ECM2: variants seen among roughly 807,000 people sequenced by gnomAD.
ECM2 encodes the protein extracellular matrix protein 2.
In ECM2, 57 loss-of-function variants were observed where a neutral mutation model predicts 67.5. The observed-to-expected ratio is 0.84, with a 90% CI of 0.68 to 1.05. The LOEUF is 1.05. ECM2 is among the 50% of genes least tolerant of loss of function. The pLI is 0.00. For missense variants in ECM2, 741 were observed against 822.8 expected (o/e 0.90, Z 1.22); for synonymous variants, 258 against 294.5 (o/e 0.88, Z 1.27).
chr9:92,530,239 A>G (rs1418691528), intron 1 of ECM2, among the ~76,000 whole-genome samples: 1 of 152,162 alleles, frequency 6.6e-6, no homozygotes, highest in Non-Finnish European at 1.5e-5. Context: ...GTCAAAACCC[A>G]AGAATACAGA....
chr9:92,494,075 T>C (rs771788728), downstream of ECM2: 1 of 1,597,134 alleles, frequency 6.3e-7, no homozygotes, highest in Non-Finnish European at 8.5e-7. Context: ...ATTTCCTGCT[T>C]ATTGCCTCTA....
intron 3 of ECM2, among the ~76,000 whole-genome samples, chr9:92,516,072 T>TCCCC (rs76297691): frequency 3.6e-5 from 5 of 139,694 alleles, no homozygotes; most frequent in African/African-American, 1.3e-4. Context: ...TACTTTTTTT[T>TCCCC]CCCCCCCCCG....
intron 7 of ECM2, 105 bp from the exon 8 acceptor site, chr9:92,502,757 T>G (rs1846762224): frequency 1.0e-6 from 1 of 970,488 alleles, no homozygotes; most frequent in African/African-American, 1.7e-5. Flanking sequence ...TAGTATTATC[T>G]AAAGAGTCTT....
intron 4 of ECM2, among the ~76,000 whole-genome samples, chr9:92,514,361 G>A (rs1847550833): frequency 2.0e-5 from 3 of 147,282 alleles, no homozygotes; most frequent in African/African-American, 7.5e-5. Context: ...TGCAACCTCC[G>A]CCTCCTGGAT....
intron 1 of ECM2, among the ~76,000 whole-genome samples, chr9:92,534,221 C>T (rs939983257): frequency 6.6e-6 from 1 of 152,086 alleles, no homozygotes; most frequent in African/African-American, 2.4e-5. Flanking sequence ...GCTGTATATT[C>T]GTGCATTTAT....
the ECM2 span, among the ~76,000 whole-genome samples, chr9:92,552,554 G>T: frequency 6.6e-6 from 1 of 152,064 alleles, no homozygotes; most frequent in South Asian, 2.1e-4. Context: ...GAGTAAGGTG[G>T]TATCACATTG....
At chr9:92,532,578 T>G (rs1312288927) in intron 1 of ECM2, among the ~76,000 whole-genome samples, 1 of 152,174 alleles carries the variant, frequency 6.6e-6, no homozygotes, top group Non-Finnish European at 1.5e-5. Flanking sequence ...GAACTGATCT[T>G]CCAGTTCATT....
At chr9:92,494,233 C>T, downstream of ECM2, 1 of 1,428,800 alleles carries the variant, frequency 7.0e-7, no homozygotes, top group Non-Finnish European at 9.6e-7. Context: ...GTTCTGCTGA[C>T]TCACCTTATT....
intron 3 of ECM2, 61 bp from the exon 4 acceptor site, chr9:92,515,264 AC>A (rs1027594471): frequency 7.2e-7 from 1 of 1,393,954 alleles, no homozygotes; most frequent in African/African-American, 1.5e-5. Context: ...AAAAGAAAAA[AC>A]CATAATGAAA....
At position 92,517,318 on chromosome 9, in the gene ECM2, C is replaced by G; in HGVS notation, c.481+369G>C. 9.6e-6 allele frequency: 3 copies of G among 312,038 alleles called. No individual in the cohort carries two copies. In the South Asian group the frequency reaches 1.5e-4, roughly 16 times the overall value. The allele number at this position is 312,038 out of a possible 1,614,324, so 19.3% of individuals were successfully genotyped here. On this transcript the variant is annotated intron_variant, in intron 3 of 9. Transcript: ENST00000344604. ...CCCTGGCTTCAAGATGATAAAGGCA[C>G]GTTGCACTGGATTAAGTGGGATAAT...
At chr9:92,509,410 A>C (rs987952804) in intron 6 of ECM2, among the ~76,000 whole-genome samples, 80 of 152,184 alleles carry the variant, frequency 5.3e-4, no homozygotes, top group Non-Finnish European at 7.3e-5. Flanking sequence ...TTTTGTTTTT[A>C]GGTTCCAACA....
At chr9:92,516,011 A>G (rs1157456709) in intron 3 of ECM2, among the ~76,000 whole-genome samples, 2 of 151,818 alleles carry the variant, frequency 1.3e-5, no homozygotes, top group African/African-American at 2.4e-5. Flanking sequence ...GACTAGATTC[A>G]AATTCACTCT....
At chr9:92,517,599 A>G in intron 3 of ECM2, 88 bp downstream of exon 3, 1 of 1,551,108 alleles carries the variant, frequency 6.4e-7, no homozygotes, top group Non-Finnish European at 8.8e-7. Context: ...CTAATGTATC[A>G]TAATTTTAAT....
intron 9 of ECM2, among the ~76,000 whole-genome samples, chr9:92,499,441 T>C (rs1477671102): frequency 2.0e-5 from 3 of 152,168 alleles, no homozygotes; most frequent in Non-Finnish European, 4.4e-5. Context: ...TTGTTACCTC[T>C]AATGAAATAA....
chr9:92,555,635 G>A, the ECM2 span, among the ~76,000 whole-genome samples: 1 of 152,030 alleles, frequency 6.6e-6, no homozygotes, highest in Non-Finnish European at 1.5e-5. Context: ...TATTTTTCCA[G>A]GAACTTATTC....
the ECM2 span, among the ~76,000 whole-genome samples, chr9:92,557,481 C>T: frequency 8.5e-5 from 13 of 152,210 alleles, no homozygotes; most frequent in Non-Finnish European, 1.6e-4. Flanking sequence ...GGTCGTTTAA[C>T]ATAATCCCAG....
At chr9:92,547,840 A>G in the ECM2 span, among the ~76,000 whole-genome samples, 9 of 152,218 alleles carry the variant, frequency 5.9e-5, no homozygotes, top group Admixed American at 5.9e-4. Context: ...ATTTTTTTAA[A>G]TGGTGAAATA....
At chr9:92,532,013 A>ATTTTT (rs1368397928) in intron 1 of ECM2, among the ~76,000 whole-genome samples, 4 of 68,940 alleles carry the variant, frequency 5.8e-5, no homozygotes, top group South Asian at 3.4e-4. Flanking sequence ...TTTTTATTTA[A>ATTTTT]TGTTTTTTTT....
rs1846315905 is a variant in ECM2, at chr9:92,495,805, A to G, written c.*510T>C. 3 of 952,504 alleles carry G rather than the reference A, an allele frequency of 3.1e-6. No homozygotes were observed. The highest frequency in any genetic ancestry group is 4.9e-5 in the South Asian group (1 of 20,586). The allele number at this position is 952,504 out of a possible 1,614,324, so 59.0% of individuals were successfully genotyped here. A position where few individuals can be genotyped will look rare whatever the true frequency, so the allele number is the denominator to read the frequency against. ...AGAAATGAAAGCTACCCCAATATTC[A>G]GTTATATTTATACCAGTAATTATAG... On this transcript the variant is annotated 3_prime_UTR_variant, in exon 10 of 10. Transcript: ENST00000344604.
Sources: gnomAD v4.1 joint callset for allele counts (sites outside exome capture counted in the v4.1 genomes callset) on GRCh38, gnomAD v4.1.1 for gene constraint, MANE v1.5 for transcripts, NCBI Gene and HGNC (gene_info 2026-07-23, HGNC 2026-07-21) for gene names.